The following HAAO variants were observed in gnomAD, a reference collection of about 807,000 sequenced individuals.
The protein encoded by HAAO is 3-hydroxyanthranilate oxygenase.
A neutral mutation model predicts 46.2 loss-of-function variants in HAAO; 49 were observed. The observed-to-expected ratio is 1.06, with a 90% CI of 0.84 to 1.34. The LOEUF (loss-of-function observed/expected upper bound fraction) is 1.34, where lower values mean the gene tolerates loss of function less well. Among genes scored for constraint, HAAO ranks in the 40% most tolerant of loss-of-function variants. The pLI, the probability that HAAO is intolerant of heterozygous loss-of-function variation, is 0.00. For synonymous variants in HAAO, 157 were observed against 145.2 expected, an observed-to-expected ratio of 1.08 and a Z score of -0.58; for missense variants, 408 against 364.5, an observed-to-expected ratio of 1.12 and a Z score of -0.97.
Position 42,783,232 on chromosome 2 carries a change from AG to A in HAAO, c.350+81del. 2.6e-5 allele frequency: 21 copies of A among 814,122 alleles called. No homozygotes were observed. In the South Asian group the frequency reaches 3.0e-4, roughly 12 times the overall value. 50.4% of individuals were successfully genotyped at this position (814,122 alleles called of 1,614,324 possible). A position where few individuals can be genotyped will look rare whatever the true frequency, so the allele number is the denominator to read the frequency against. The stretch of plus-strand genomic sequence containing the variant: ...AGGACGTGCTTTCTTGAGTCTATCT[AG>A]GATCCCTTCAGCTGCAGTTTGGAGC... On this transcript the variant is annotated intron_variant, in intron 4 of 9. Coordinates refer to ENST00000294973, the MANE Select transcript of HAAO (RefSeq NM_012205.3).
At chr2:42,784,720 C>T (rs1672267507) in intron 2 of HAAO, among the ~76,000 whole-genome samples, 1 of 152,186 alleles carries the variant, frequency 6.6e-6, no homozygotes, top group Non-Finnish European at 1.5e-5. Context: ...ACAGCATCTA[C>T]TAAGAGAAAC....
In HAAO at chr2:42,770,197, G is replaced by A. The variant is rs374774681; in HGVS notation, c.441-11C>T. Reference sequence around the variant, plus strand: ...TCAGAGCTGAAGAACCTGCAAGGACGAACAGGGAGGAGCAGGAGTGGCGAG... The same window carrying A: ...TCAGAGCTGAAGAACCTGCAAGGACAAACAGGGAGGAGCAGGAGTGGCGAG... On this transcript the variant is annotated splice_polypyrimidine_tract_variant and intron_variant, in intron 5 of 9. Coordinates refer to ENST00000294973, the MANE Select transcript of HAAO (RefSeq NM_012205.3). The A allele has an allele frequency of 3.6e-5, 57 of 1,592,910 alleles. No homozygotes were observed. The East Asian group carries it at 4.8e-4, about 13-fold the overall frequency.
chr2:42,767,833 G>A (rs376688821), intron 8 of HAAO, 27 bp downstream of exon 8: 4 of 1,609,676 alleles, frequency 2.5e-6, no homozygotes, highest in Middle Eastern at 1.7e-4. Flanking sequence ...AGGGGGTTCT[G>A]CAACCCTGTC....
chr2:42,769,978 A>G lies in HAAO; in HGVS notation c.485-120T>C, dbSNP rs149035671. On this transcript the variant is annotated intron_variant, in intron 6 of 9. Transcript: ENST00000294973. ...CAGAACAGGCTCTGTATCCAGCTCA[A>G]TGATCAAGCAGCCATGTGGGAGGTA... 6.9e-3 allele frequency: 8,362 copies of G among 1,215,328 alleles called. 66 individuals are homozygous for G. The highest frequency in any genetic ancestry group is 0.027 in the Middle Eastern group (110 of 4,084). 75.3% of individuals were successfully genotyped at this position (1,215,328 alleles called of 1,614,324 possible).
intron 4 of HAAO, among the ~76,000 whole-genome samples, chr2:42,773,329 A>AAT (rs1436256227): frequency 6.6e-6 from 1 of 152,110 alleles, no homozygotes; most frequent in African/African-American, 2.4e-5. Flanking sequence ...TCCAGATGTC[A>AAT]GTGTGTGTTG....
Position 42,792,515 on chromosome 2 carries a change from T to C in HAAO, c.22A>G (p.Arg8Gly). The change falls in exon 1 of 10, where the codon AGG (arginine) becomes GGG (glycine). Residue 8 changes from arginine to glycine, a missense_variant. Arg to Gly is a moderately radical substitution (Grantham distance 125, BLOSUM62 -2). Transcript: ENST00000294973. ...CCCCGGTTCTCCTTCACCCAGGCCCTCACTCCCAGGCGGCGCTCCATGACT... is the reference window on the plus strand; with the variant it reads ...CCCCGGTTCTCCTTCACCCAGGCCCCCACTCCCAGGCGGCGCTCCATGACT... MERRLGVRAWVKENRGSF... is the reference protein window; with the variant it reads MERRLGVGAWVKENRGSF... The C allele has an allele frequency of 6.3e-7, 1 of 1,592,322 alleles. No individual in the cohort carries two copies.
chr2:42,771,277 A>T (rs530507167), intron 4 of HAAO, among the ~76,000 whole-genome samples: 2 of 152,146 alleles, frequency 1.3e-5, no homozygotes, highest in Admixed American at 1.3e-4. Context: ...GATAGAAAAA[A>T]AATAGCCAGG....
intron 7 of HAAO, 60 bp from the exon 8 acceptor site, chr2:42,767,988 G>C: frequency 6.8e-7 from 1 of 1,466,180 alleles, no homozygotes; most frequent in South Asian, 1.1e-5. Flanking sequence ...AGATGGTCTT[G>C]AACCTGGCCC....
At chr2:42,783,229 T>C in intron 4 of HAAO, 85 bp downstream of exon 4, 1 of 807,168 alleles carries the variant, frequency 1.2e-6, no homozygotes. Context: ...CTTGAGTCTA[T>C]CTAGGATCCC....
rs1298556555 is a variant in HAAO, at chr2:42,785,525, A to G, written c.160-1658T>C. 4.6e-5 allele frequency among the ~76,000 whole-genome samples: 7 copies of G among 152,250 alleles called. No individual in the cohort carries two copies. The South Asian group carries it at 1.5e-3, about 32-fold the overall frequency. On this transcript the variant is annotated intron_variant, in intron 2 of 9. Coordinates refer to ENST00000294973, the MANE Select transcript of HAAO (RefSeq NM_012205.3). The stretch of plus-strand genomic sequence containing the variant: ...GAATGAGGTAAGGATTTTTCTTTCT[A>G]TATTTCTCATATTTTCTACAAGGAA...
intron 2 of HAAO, among the ~76,000 whole-genome samples, chr2:42,785,461 G>C (rs747417099): frequency 2.0e-5 from 3 of 152,164 alleles, no homozygotes; most frequent in Non-Finnish European, 4.4e-5. Flanking sequence ...TATAACAGAG[G>C]CAGCCTGTTC....
Position 42,773,812 on chromosome 2 carries a change from G to C in HAAO, c.351-3230C>G, listed in dbSNP as rs1238889092. ...CATGTTAGCCAGGATGGTCTCTCTC[G>C]ATCTCCTGACCTCGTGATCCACCCG... On this transcript the variant is annotated intron_variant, in intron 4 of 9. Coordinates refer to ENST00000294973, the MANE Select transcript of HAAO (RefSeq NM_012205.3). Among the ~76,000 whole-genome samples the C allele has an allele frequency of 7.9e-5, 12 of 152,152 alleles. No individual in the cohort carries two copies. The South Asian group carries it at 2.1e-3, about 26-fold the overall frequency.
chr2:42,773,463 C>T (rs1489450347), intron 4 of HAAO, among the ~76,000 whole-genome samples: 1 of 152,090 alleles, frequency 6.6e-6, no homozygotes, highest in Non-Finnish European at 1.5e-5. Flanking sequence ...CCCCTCTGGC[C>T]CGCTTTCCAC....
chr2:42,788,682 C>A (rs1573958896), intron 1 of HAAO, 75 bp from the exon 2 acceptor site: 2 of 964,168 alleles, frequency 2.1e-6, no homozygotes, highest in Non-Finnish European at 3.4e-6. Context: ...CCGTGGGGGC[C>A]AGGAGGGAGC....
chr2:42,767,334 G>T lies in HAAO; in HGVS notation c.*103C>A, dbSNP rs1670736300. ...GTGCAGGTCTGTGGGGGACACAGCG[G>T]CAGTACACAGAGAGGTAGTGGGGGC... On this transcript the variant is annotated 3_prime_UTR_variant, in exon 10 of 10. Transcript: ENST00000294973. The T allele has an allele frequency of 2.5e-6, 2 of 786,186 alleles. No individual in the cohort carries two copies. The highest frequency in any genetic ancestry group is 3.4e-5 in the African/African-American group (2 of 58,930). 48.7% of individuals were successfully genotyped at this position (786,186 alleles called of 1,614,324 possible).
At chr2:42,781,789 A>T (rs543382219) in intron 4 of HAAO, among the ~76,000 whole-genome samples, 3 of 152,090 alleles carry the variant, frequency 2.0e-5, no homozygotes, top group African/African-American at 7.2e-5. Flanking sequence ...CAGGAGAATC[A>T]CTTGAACCCA....
intron 1 of HAAO, among the ~76,000 whole-genome samples, chr2:42,791,308 G>C (rs1292759926): frequency 6.6e-6 from 1 of 152,184 alleles, no homozygotes; most frequent in Non-Finnish European, 1.5e-5. Flanking sequence ...CCAAATGCTA[G>C]GGAGAGGCCC....
chr2:42,767,370 G>A lies in HAAO; in HGVS notation c.*67C>T, dbSNP rs560529070. The stretch of plus-strand genomic sequence containing the variant: ...AGAGGTAGTGGGGGCTGGGAGAGTT[G>A]TTTGGCAGGGATGGCACTCGAGGGT... On this transcript the variant is annotated 3_prime_UTR_variant, in exon 10 of 10. Coordinates refer to ENST00000294973, the MANE Select transcript of HAAO (RefSeq NM_012205.3). 1 of 1,106,992 alleles carries A rather than the reference G, an allele frequency of 9.0e-7. No homozygotes were observed. The highest frequency in any genetic ancestry group is 1.5e-5 in the African/African-American group (1 of 65,654). 68.6% of individuals were successfully genotyped at this position (1,106,992 alleles called of 1,614,324 possible).
intron 4 of HAAO, among the ~76,000 whole-genome samples, chr2:42,776,928 G>A (rs553812188): frequency 1.8e-4 from 28 of 151,846 alleles, no homozygotes; most frequent in East Asian, 9.8e-4. Flanking sequence ...CACCGTGTCC[G>A]GCGAGTTGTT....
Sources: gnomAD v4.1 joint callset for allele counts (sites outside exome capture counted in the v4.1 genomes callset) on GRCh38, gnomAD v4.1.1 for gene constraint, MANE v1.5 for transcripts, NCBI Gene and HGNC (gene_info 2026-07-23, HGNC 2026-07-21) for gene names.